The following FAM13A variants were observed in gnomAD, a reference collection of about 807,000 sequenced individuals.
FAM13A encodes family with sequence similarity 13 member A, also known as protein FAM13A.
In FAM13A, 76 loss-of-function variants were observed where a neutral mutation model predicts 129.6. That is an observed-to-expected ratio of 0.59 (90% CI 0.49 to 0.71). FAM13A has a LOEUF of 0.71. FAM13A is among the 30% of genes least tolerant of loss of function. FAM13A has a pLI of 0.00. For synonymous variants in FAM13A, 443 were observed against 449.9 expected, an observed-to-expected ratio of 0.98 and a Z score of 0.20; for missense variants, 1,108 against 1,249.3, an observed-to-expected ratio of 0.89 and a Z score of 1.70.
intron 4 of FAM13A, among the ~76,000 whole-genome samples, chr4:88,959,175 G>A (rs963744188): frequency 2.0e-5 from 3 of 152,216 alleles, no homozygotes; most frequent in African/African-American, 7.2e-5. Context: ...AGTTAATGTT[G>A]AAATGAGTTA....
chr4:88,789,876 A>G (rs1419823274), intron 9 of FAM13A, among the ~76,000 whole-genome samples: 2 of 152,140 alleles, frequency 1.3e-5, no homozygotes, highest in African/African-American at 4.8e-5. Flanking sequence ...TGAGGCAGCA[A>G]TAAGGTTGGC....
At chr4:88,832,329 G>A (rs759345938) in intron 7 of FAM13A, among the ~76,000 whole-genome samples, 5 of 152,082 alleles carry the variant, frequency 3.3e-5, no homozygotes, top group Non-Finnish European at 7.4e-5. Flanking sequence ...AGGCATGGGC[G>A]AAGATTTCAT....
chr4:88,912,345 C>A lies in FAM13A; in HGVS notation c.760-5883G>T, dbSNP rs188586630. On this transcript the variant is annotated intron_variant, in intron 5 of 23. Coordinates refer to ENST00000264344, the MANE Select transcript of FAM13A (RefSeq NM_014883.4). ...CTCCTAGAGCTGGGGCACCCATCTT[C>A]CCCTGCTCTTGGACATTAAAACTCC... 2.0e-3 allele frequency among the ~76,000 whole-genome samples: 306 copies of A among 152,262 alleles called. 2 individuals are homozygous for A. Among genetic ancestry groups the A allele is most frequent in the African/African-American group, 6.8e-3 (283 of 41,518 alleles).
chr4:88,970,847 A>C (rs1759982940), intron 4 of FAM13A, among the ~76,000 whole-genome samples: 1 of 152,192 alleles, frequency 6.6e-6, no homozygotes, highest in Admixed American at 6.5e-5. Flanking sequence ...ATGAGATGAA[A>C]TTAATGACTT....
At chr4:88,776,521 T>C (rs1454122283) in intron 11 of FAM13A, among the ~76,000 whole-genome samples, 1 of 152,230 alleles carries the variant, frequency 6.6e-6, no homozygotes, top group African/African-American at 2.4e-5. Flanking sequence ...TTCATAACTA[T>C]AATTTTGAAT....
rs61682568 is a variant in FAM13A at position 89,019,761 on chromosome 4, C to CAAAAAAAAAAAAAAAAAAAAA, written c.427+698_427+699insTTTTTTTTTTTTTTTTTTTTT. On this transcript the variant is annotated intron_variant, in intron 3 of 23. Transcript: ENST00000264344. ...GGGTGACAAGAGTGAAACTACATCT[C>CAAAAAAAAAAAAAAAAAAAAA]AAAAAAAAAAAAAAAAAAAAGCAAG... 6.9e-5 allele frequency among the ~76,000 whole-genome samples: 4 copies of CAAAAAAAAAAAAAAAAAAAAA among 57,818 alleles called. 2 individuals carry two copies. Among genetic ancestry groups the CAAAAAAAAAAAAAAAAAAAAA allele is most frequent in the African/African-American group, 1.4e-4 (2 of 14,278 alleles). The allele number at this position is 57,818 out of a possible 152,430, so 37.9% of individuals were successfully genotyped here. A position where few individuals can be genotyped will look rare whatever the true frequency, so the allele number is the denominator to read the frequency against.
At chr4:88,794,344 T>C (rs1725746728) in intron 8 of FAM13A, among the ~76,000 whole-genome samples, 1 of 151,942 alleles carries the variant, frequency 6.6e-6, no homozygotes, top group Non-Finnish European at 1.5e-5. Flanking sequence ...TACTTTGAAA[T>C]ATATTCTATG....
At chr4:88,760,603 C>CAAA (rs745711965) in intron 13 of FAM13A, among the ~76,000 whole-genome samples, 2 of 65,838 alleles carry the variant, frequency 3.0e-5, no homozygotes, top group African/African-American at 1.0e-4. Flanking sequence ...GACTCCGTCT[C>CAAA]AAAAAAAAAA....
chr4:88,885,547 C>G (rs536339876), intron 6 of FAM13A, among the ~76,000 whole-genome samples: 90 of 152,204 alleles, frequency 5.9e-4, no homozygotes, highest in African/African-American at 1.9e-3. Flanking sequence ...CCTGAGCCCA[C>G]AAAAATTCTA....
intron 21 of FAM13A, 80 bp from the exon 22 acceptor site, chr4:88,732,278 A>T: frequency 9.8e-7 from 1 of 1,016,090 alleles, no homozygotes; most frequent in South Asian, 1.6e-5. Flanking sequence ...TTTAATAATC[A>T]TTTAATTATC....
At chr4:88,960,778 C>T (rs1758496901) in intron 4 of FAM13A, among the ~76,000 whole-genome samples, 1 of 152,188 alleles carries the variant, frequency 6.6e-6, no homozygotes, top group Non-Finnish European at 1.5e-5. Flanking sequence ...TTACAGGAAG[C>T]AGCTTTGTTT....
At chr4:88,923,575 G>A (rs1440357356) in intron 5 of FAM13A, among the ~76,000 whole-genome samples, 1 of 152,128 alleles carries the variant, frequency 6.6e-6, no homozygotes, top group Admixed American at 6.5e-5. Flanking sequence ...AGCTATTTAT[G>A]ACAAACCCAC....
intron 11 of FAM13A, among the ~76,000 whole-genome samples, chr4:88,773,399 C>T (rs1300971962): frequency 6.6e-6 from 1 of 152,190 alleles, no homozygotes; most frequent in Non-Finnish European, 1.5e-5. Context: ...TGCCTCTTCC[C>T]ACCAATAGAG....
chr4:88,755,539 C>T (rs1179533634), intron 14 of FAM13A, among the ~76,000 whole-genome samples: 1 of 152,150 alleles, frequency 6.6e-6, no homozygotes, highest in Admixed American at 6.5e-5. Context: ...TGGCTTGTAA[C>T]CACTTTGATC....
Position 88,945,990 on chromosome 4 carries a change from G to GTGTGTATATATATA in FAM13A, c.606-7750_606-7749insTATATATATACACA. ...TGTGTGTGTGTGTGTGTGTGTGTGT[G>GTGTGTATATATATA]TATATATATATATATATATATATAT... On this transcript the variant is annotated intron_variant, in intron 4 of 23. Transcript: ENST00000264344. Among the ~76,000 whole-genome samples, 315 of 61,686 alleles carry GTGTGTATATATATA rather than the reference G, an allele frequency of 5.1e-3. 3 individuals carry two copies. Among genetic ancestry groups the GTGTGTATATATATA allele is most frequent in the East Asian group, 0.013 (38 of 2,852 alleles). The allele number at this position is 61,686 out of a possible 152,430, so 40.5% of individuals were successfully genotyped here. A position where few individuals can be genotyped will look rare whatever the true frequency, so the allele number is the denominator to read the frequency against.
intron 4 of FAM13A, among the ~76,000 whole-genome samples, chr4:88,969,994 C>T (rs890447803): frequency 4.0e-4 from 61 of 152,150 alleles, no homozygotes; most frequent in African/African-American, 1.3e-3. Context: ...TCTGGATTCC[C>T]AACCAAAACT....
chr4:88,925,762 T>C (rs144706520), intron 5 of FAM13A, among the ~76,000 whole-genome samples: 49 of 150,222 alleles, frequency 3.3e-4, no homozygotes, highest in African/African-American at 1.1e-3. Flanking sequence ...ATATGAGATA[T>C]TGTTCTCACC....
chr4:88,966,505 C>T (rs960585359), intron 4 of FAM13A, among the ~76,000 whole-genome samples: 2 of 152,178 alleles, frequency 1.3e-5, no homozygotes, highest in African/African-American at 4.8e-5. Context: ...CATGGTTAAT[C>T]CTTTTTGCCT....
At chr4:88,923,926 C>G (rs1438298162) in intron 5 of FAM13A, among the ~76,000 whole-genome samples, 2 of 152,040 alleles carry the variant, frequency 1.3e-5, no homozygotes, top group Non-Finnish European at 2.9e-5. Context: ...AACAGAGAGC[C>G]AAATCATGAG....
Sources: gnomAD v4.1 joint callset for allele counts (sites outside exome capture counted in the v4.1 genomes callset) on GRCh38, gnomAD v4.1.1 for gene constraint, MANE v1.5 for transcripts, NCBI Gene and HGNC (gene_info 2026-07-23, HGNC 2026-07-21) for gene names.